The following CDH18 variants were observed in gnomAD, a reference collection of about 807,000 sequenced individuals.
The protein encoded by CDH18 is cadherin 18, also known as cadherin-18.
In CDH18, 31 loss-of-function variants were observed where a neutral mutation model predicts 67.9. The ratio of observed to expected loss-of-function variants is 0.46; its 90% CI spans 0.34 to 0.62. CDH18 has a LOEUF of 0.62. Ranked by LOEUF, CDH18 falls within the 20% of genes least tolerant of loss-of-function variation. The pLI is 0.01. For synonymous variants in CDH18, 362 were observed against 347.2 expected (o/e 1.04, Z -0.48); for missense variants, 890 against 975.5 (o/e 0.91, Z 1.17).
At chr5:19,821,232 C>T (rs1000828244) in intron 3 of CDH18, among the ~76,000 whole-genome samples, 2 of 151,976 alleles carry the variant, frequency 1.3e-5, no homozygotes, top group South Asian at 2.1e-4. Context: ...GCAACAATGA[C>T]GTAGCCATTT....
rs1446090615 is a variant in CDH18 at position 19,478,289 on chromosome 5, C to A, written c.1883-4573G>T. On this transcript the variant is annotated intron_variant, in intron 12 of 12. Coordinates refer to ENST00000382275, the MANE Select transcript of CDH18 (RefSeq NM_004934.5). Reference sequence around the variant, plus strand: ...AGCTTGCATAGCAGAATTTTTTAAACCTCAAATACCACTTGATTCTTTGTC... The same window carrying A: ...AGCTTGCATAGCAGAATTTTTTAAAACTCAAATACCACTTGATTCTTTGTC... Among the ~76,000 whole-genome samples the A allele has an allele frequency of 5.3e-5, 8 of 152,072 alleles. 1 individual carries two copies. Among genetic ancestry groups the A allele is most frequent in the Admixed American group, 3.9e-4 (6 of 15,268 alleles).
At chr5:19,966,277 C>A (rs1266100085) in intron 2 of CDH18, among the ~76,000 whole-genome samples, 4 of 151,984 alleles carry the variant, frequency 2.6e-5, no homozygotes, top group African/African-American at 9.7e-5. Flanking sequence ...AATAATATAT[C>A]CAATAATGCT....
intron 1 of CDH18, among the ~76,000 whole-genome samples, chr5:20,443,679 T>C (rs2150195186): frequency 6.6e-6 from 1 of 152,026 alleles, no homozygotes; most frequent in East Asian, 1.9e-4. Flanking sequence ...TTAGCTTAGT[T>C]TTTAAATATT....
At chr5:20,244,869 GAGAA>G (rs895019672) in intron 2 of CDH18, among the ~76,000 whole-genome samples, 4 of 152,198 alleles carry the variant, frequency 2.6e-5, no homozygotes, top group Admixed American at 6.5e-5. Context: ...AGGAAAGAGA[GAGAA>G]AGAAACAGAC....
chr5:20,229,961 T>C (rs1158624824), intron 2 of CDH18, among the ~76,000 whole-genome samples: 2 of 152,204 alleles, frequency 1.3e-5, no homozygotes. Flanking sequence ...TAGCTCCGAA[T>C]GCGAATACAG....
chr5:19,982,106 G>A (rs1248109039), intron 1 of CDH18, among the ~76,000 whole-genome samples: 1 of 152,012 alleles, frequency 6.6e-6, no homozygotes, highest in Non-Finnish European at 1.5e-5. Context: ...AATTTCTACA[G>A]GTAGAATTTT....
intron 2 of CDH18, among the ~76,000 whole-genome samples, chr5:19,934,163 G>T (rs1456587624): frequency 6.6e-6 from 1 of 150,960 alleles, no homozygotes; most frequent in Admixed American, 6.6e-5. Context: ...AGAAAGGAAA[G>T]AAGGAAACAA....
At chr5:19,919,508 A>C (rs2150161692) in intron 2 of CDH18, among the ~76,000 whole-genome samples, 1 of 152,316 alleles carries the variant, frequency 6.6e-6, no homozygotes, top group Non-Finnish European at 1.5e-5. Flanking sequence ...CTACTATCAG[A>C]ATCAAATTAA....
At chr5:20,214,144 A>G (rs547455530) in intron 2 of CDH18, among the ~76,000 whole-genome samples, 1 of 152,092 alleles carries the variant, frequency 6.6e-6, no homozygotes, top group Admixed American at 6.6e-5. Context: ...AAGGTGAAAG[A>G]TCTCCACAAG....
At chr5:20,194,071 T>C (rs1248300208) in intron 2 of CDH18, among the ~76,000 whole-genome samples, 2 of 152,088 alleles carry the variant, frequency 1.3e-5, no homozygotes, top group Non-Finnish European at 2.9e-5. Flanking sequence ...TCACCACTAC[T>C]ATTCAACTTT....
intron 5 of CDH18, among the ~76,000 whole-genome samples, chr5:19,620,755 T>C (rs1482729120): frequency 6.6e-6 from 1 of 152,144 alleles, no homozygotes; most frequent in African/African-American, 2.4e-5. Context: ...ATCTGTGTTT[T>C]CAAAAGCTCT....
chr5:20,063,836 C>T (rs1277679269), intron 2 of CDH18, among the ~76,000 whole-genome samples: 1 of 152,088 alleles, frequency 6.6e-6, no homozygotes, highest in African/African-American at 2.4e-5. Flanking sequence ...TGGAGCTAGC[C>T]CCAAACAAGC....
intron 1 of CDH18, among the ~76,000 whole-genome samples, chr5:20,303,584 TAAC>T (rs553217112): frequency 3.2e-3 from 485 of 152,116 alleles, no homozygotes; most frequent in Admixed American, 8.2e-3. Context: ...GTTCATTTGG[TAAC>T]AACAAGTCTC....
At chr5:19,943,177 T>C (rs1794985561) in intron 2 of CDH18, among the ~76,000 whole-genome samples, 1 of 152,134 alleles carries the variant, frequency 6.6e-6, no homozygotes, top group Non-Finnish European at 1.5e-5. Flanking sequence ...ATGATTGTAA[T>C]AATCTTTTTG....
intron 1 of CDH18, among the ~76,000 whole-genome samples, chr5:20,445,528 A>G (rs1190373928): frequency 6.6e-6 from 1 of 152,202 alleles, no homozygotes; most frequent in African/African-American, 2.4e-5. Context: ...AAAACAAAAG[A>G]GAGAGGTTAA....
rs539502271 is a variant in CDH18, at chr5:20,326,823, G to A, written c.-579-71318C>T. On this transcript the variant is annotated intron_variant, in intron 1 of 14. Transcript: ENST00000507958. ...CCCAAAGTGCTGGGATCACCGGCTT[G>A]AGCCACCGGGCCTGGCCACATATTT... 2.1e-3 allele frequency among the ~76,000 whole-genome samples: 313 copies of A among 152,234 alleles called. 3 individuals carry two copies. Among genetic ancestry groups the A allele is most frequent in the African/African-American group, 7.1e-3 (297 of 41,556 alleles).
At chr5:20,461,082 C>T (rs1205921940) in intron 1 of CDH18, among the ~76,000 whole-genome samples, 1 of 152,170 alleles carries the variant, frequency 6.6e-6, no homozygotes, top group Non-Finnish European at 1.5e-5. Context: ...GGCCCAGCAT[C>T]TGCTCTCCCT....
intron 8 of CDH18, 66 bp downstream of exon 8, chr5:19,571,513 C>A: frequency 7.2e-7 from 1 of 1,381,526 alleles, no homozygotes. Flanking sequence ...TAATTTTATT[C>A]AAGTTTAATT....
chr5:20,304,619 CA>C, intron 1 of CDH18: 2 of 1,611,968 alleles, frequency 1.2e-6, no homozygotes, highest in South Asian at 2.2e-5. Flanking sequence ...ACAGAGCTAT[CA>C]ACTTTCTTGC....
Sources: gnomAD v4.1 joint callset for allele counts (sites outside exome capture counted in the v4.1 genomes callset) on GRCh38, gnomAD v4.1.1 for gene constraint, MANE v1.5 for transcripts, NCBI Gene and HGNC (gene_info 2026-07-23, HGNC 2026-07-21) for gene names.